The following HHEX variants were observed in gnomAD, a reference collection of about 807,000 sequenced individuals.
HHEX encodes the protein hematopoietically expressed homeobox.
In HHEX, 8 loss-of-function variants were observed where a neutral mutation model predicts 27.0. The ratio of observed to expected loss-of-function variants is 0.30; its 90% confidence interval spans 0.17 to 0.54. The LOEUF (loss-of-function observed/expected upper bound fraction) is 0.54. Among genes scored for constraint, HHEX ranks in the 20% least tolerant of loss-of-function variants. HHEX has a pLI of 0.95. For missense variants in HHEX, 326 were observed against 357.2 expected (o/e 0.91, Z 0.70); for synonymous variants, 164 against 161.5 (o/e 1.02, Z -0.12).
rs779009264 is a variant in HHEX, at chr10:92,690,187, C to T, written c.201C>T (p.Thr67=). The T allele has an allele frequency of 1.1e-5, 17 of 1,569,582 alleles. No homozygotes were observed. In the Admixed American group the frequency reaches 2.1e-4, roughly 19 times the overall value. The change falls in exon 1 of 4, where the codon ACC becomes ACT. Residue 67 remains threonine, a synonymous_variant. Transcript: ENST00000282728. ...CCAGCCTCGTGTCCCCCTACCGGAC[C>T]CCGGTGTACGAGCCCACGCCGATCC... ...SFTSLVSPYR[T]PVYEPTPIHP... is the part of the protein sequence containing the mutation.
Position 92,692,683 on chromosome 10 carries a change from C to G in HHEX, c.541-19C>G. 6.2e-7 allele frequency: 1 copy of G among 1,613,348 alleles called. No individual in the cohort carries two copies. The highest frequency in any genetic ancestry group is 8.5e-7 in the Non-Finnish European group (1 of 1,179,834). On this transcript the variant is annotated intron_variant, in intron 2 of 3. Transcript: ENST00000282728. ...CCGACGCGGGCTCGTTGCAAGTTTT[C>G]TTTCTCTCTTTCCTGTAGGTCAAAA...
At chr10:92,692,775 A>G (rs1564729286) in intron 3 of HHEX, 23 bp downstream of exon 3, 1 of 1,591,270 alleles carries the variant, frequency 6.3e-7, no homozygotes. Flanking sequence ...TTCTGTTTCT[A>G]TGGAAATAAA....
rs913757048 is a variant in HHEX, at chr10:92,695,018, C to G, written c.*250C>G. The G allele has an allele frequency of 2.8e-6, 1 of 354,770 alleles. No individual in the cohort carries two copies. 22.0% of individuals were successfully genotyped at this position (354,770 alleles called of 1,614,324 possible). ...AAAGTGACATTATAGTGATTAAATT[C>G]TTCCCCCTTTAAAAAAACAGTTAGT... On this transcript the variant is annotated 3_prime_UTR_variant, in exon 4 of 4. Transcript: ENST00000282728.
Position 92,690,354 on chromosome 10 carries a change from C to A in HHEX, c.361+7C>A. ...CTCCGCCACGACCCCCTGGGTAAGG[C>A]GGCCGGGCGAGGGTGGGGGCGAGGA... On this transcript the variant is annotated splice_region_variant and intron_variant, in intron 1 of 3. Coordinates refer to ENST00000282728, the MANE Select transcript of HHEX (RefSeq NM_002729.5). 1 of 1,446,808 alleles carries A rather than the reference C, an allele frequency of 6.9e-7. No individual in the cohort carries two copies. The highest frequency in any genetic ancestry group is 9.1e-7 in the Non-Finnish European group (1 of 1,097,012). 89.6% of individuals were successfully genotyped at this position (1,446,808 alleles called of 1,614,324 possible). A position where few individuals can be genotyped will look rare whatever the true frequency, so the allele number is the denominator to read the frequency against.
Position 92,694,891 on chromosome 10 carries a change from A to G in HHEX, c.*123A>G. ...GGAATCAATTCTCTGGTATTCTGGA[A>G]ACCTAAAAATATTTGGTGCACTGCT... On this transcript the variant is annotated 3_prime_UTR_variant, in exon 4 of 4. Transcript: ENST00000282728. The G allele has an allele frequency of 1.4e-6, 1 of 733,728 alleles. No individual in the cohort carries two copies. Among genetic ancestry groups the G allele is most frequent in the East Asian group, 2.7e-5 (1 of 37,298 alleles). 45.5% of individuals were successfully genotyped at this position (733,728 alleles called of 1,614,324 possible). A position where few individuals can be genotyped will look rare whatever the true frequency, so the allele number is the denominator to read the frequency against.
chr10:92,694,097 ATTCTT>A (rs1234715526), intron 3 of HHEX, among the ~76,000 whole-genome samples: 1 of 152,214 alleles, frequency 6.6e-6, no homozygotes, highest in Non-Finnish European at 1.5e-5. Flanking sequence ...TTGAAACTTT[ATTCTT>A]AATTCACCAG....
Position 92,694,933 on chromosome 10 carries a change from A to G in HHEX, c.*165A>G, listed in dbSNP as rs181066526. The G allele has an allele frequency of 9.9e-6, 6 of 606,090 alleles. No individual in the cohort carries two copies. The highest frequency in any genetic ancestry group is 1.2e-5 in the Non-Finnish European group (4 of 343,890). The allele number at this position is 606,090 out of a possible 1,614,324, so 37.5% of individuals were successfully genotyped here. Reference sequence around the variant, plus strand: ...TGCACTGCTCAATTAACAAACCTACATGGAGACCTTAATTTTGACTTAACA... The same window carrying G: ...TGCACTGCTCAATTAACAAACCTACGTGGAGACCTTAATTTTGACTTAACA... On this transcript the variant is annotated 3_prime_UTR_variant, in exon 4 of 4. Coordinates refer to ENST00000282728, the MANE Select transcript of HHEX (RefSeq NM_002729.5).
Position 92,692,440 on chromosome 10 carries a change from C to G in HHEX, c.434C>G (p.Ser145Cys), listed in dbSNP as rs1271715312. 2 of 1,614,130 alleles carry G rather than the reference C, an allele frequency of 1.2e-6. No individual in the cohort carries two copies. Among genetic ancestry groups the G allele is most frequent in the Non-Finnish European group, 1.7e-6 (2 of 1,180,024 alleles). Reference sequence around the variant, plus strand: ...AGGAAAGGCGGCCAGGTGAGATTCTCCAACGACCAGACCATCGAGCTGGAG... The same window carrying G: ...AGGAAAGGCGGCCAGGTGAGATTCTGCAACGACCAGACCATCGAGCTGGAG... ...HKRKGGQVRF[S>C]NDQTIELEKK... Residue 145 changes from serine to cysteine, a missense_variant, in exon 2 of 4, where the codon TCC becomes TGC. Physicochemically the swap from Ser to Cys is moderately radical, Grantham distance 112 (BLOSUM62 -1). This residue lies in a region of HHEX where 40 missense variants were observed against 54.9 expected (regional missense o/e 0.73). Coordinates refer to ENST00000282728, the MANE Select transcript of HHEX (RefSeq NM_002729.5).
intron 1 of HHEX, chr10:92,691,776 A>T (rs1845357438): frequency 6.6e-6 from 1 of 152,372 alleles, no homozygotes; most frequent in Admixed American, 6.5e-5. Context: ...ATGTTGCCAT[A>T]GCCCATGGGG....
chr10:92,694,394 G>GT (rs1259629955), intron 3 of HHEX, among the ~76,000 whole-genome samples, 153 bp from the exon 4 acceptor site: 1 of 152,174 alleles, frequency 6.6e-6, no homozygotes, highest in Non-Finnish European at 1.5e-5. Context: ...AAAAGCACAA[G>GT]TATGTATCTC....
intron 3 of HHEX, among the ~76,000 whole-genome samples, chr10:92,693,992 C>T (rs1356529030): frequency 1.3e-5 from 2 of 151,982 alleles, no homozygotes; most frequent in Admixed American, 6.5e-5. Flanking sequence ...CATTTTTTTT[C>T]TTTGCCATGA....
chr10:92,690,491 C>A, intron 1 of HHEX, 144 bp downstream of exon 1: 1 of 1,047,972 alleles, frequency 9.5e-7, no homozygotes, highest in Non-Finnish European at 1.3e-6. Context: ...CGCGCGGGGA[C>A]GGGAGGCGCG....
chr10:92,691,441 C>G (rs1198226812), intron 1 of HHEX: 2 of 152,256 alleles, frequency 1.3e-5, no homozygotes, highest in African/African-American at 4.8e-5. Context: ...TTTAATGTCT[C>G]CATTATTACG....
chr10:92,693,241 C>T (rs1005901236), intron 3 of HHEX, among the ~76,000 whole-genome samples: 3 of 152,172 alleles, frequency 2.0e-5, no homozygotes, highest in Non-Finnish European at 4.4e-5. Context: ...TATTTTCTAT[C>T]TAATGCCAGC....
chr10:92,690,423 G>A, intron 1 of HHEX, 76 bp downstream of exon 1: 1 of 1,379,160 alleles, frequency 7.3e-7, no homozygotes, highest in Non-Finnish European at 9.4e-7. Context: ...CCGAGGGGGC[G>A]AAGGGGGCAG....
chr10:92,690,025 G>A lies in HHEX; in HGVS notation c.39G>A (p.Val13=). Residue 13 remains valine, a synonymous_variant, in exon 1 of 4, where the codon GTG becomes GTA. Transcript: ENST00000282728. The stretch of plus-strand genomic sequence containing the variant: ...ACCCCGGGCCGGCGGCGGGCGCCGT[G>A]GGGGTGCCGCTGTACGCGCCCACGC... The part of the protein sequence containing the change: ...YPHPGPAAGA[V]GVPLYAPTPL... 1 of 1,501,886 alleles carries A rather than the reference G, an allele frequency of 6.7e-7. No individual in the cohort carries two copies. Among genetic ancestry groups the A allele is most frequent in the Non-Finnish European group, 8.9e-7 (1 of 1,129,856 alleles). The allele number at this position is 1,501,886 out of a possible 1,614,324, so 93.0% of individuals were successfully genotyped here.
chr10:92,690,244 G>T lies in HHEX; in HGVS notation c.258G>T (p.Ala86=), dbSNP rs761758165. 28 of 1,563,622 alleles carry T rather than the reference G, an allele frequency of 1.8e-5. No homozygotes were observed. The highest frequency in any genetic ancestry group is 2.3e-5 in the Non-Finnish European group (27 of 1,154,958). ...CCTTCTCGCACCACTCCGCCGCCGC[G>T]CTGGCCGCTGCCTACGGACCCGGCG... is the stretch of plus-strand genomic sequence containing the variant. ...HPAFSHHSAA[A]LAAAYGPGGF... Residue 86 remains alanine (A), a synonymous_variant, in exon 1 of 4, where the codon GCG becomes GCT. Transcript: ENST00000282728.
intron 1 of HHEX, chr10:92,691,673 T>G (rs1319889630): frequency 6.6e-6 from 1 of 152,230 alleles, no homozygotes; most frequent in Non-Finnish European, 1.5e-5. Context: ...GTTTTCACAG[T>G]GCGCCCTGAG....
At chr10:92,690,973 C>T (rs1008917885) in intron 1 of HHEX, among the ~76,000 whole-genome samples, 1 of 152,206 alleles carries the variant, frequency 6.6e-6, no homozygotes, top group Non-Finnish European at 1.5e-5. Context: ...TGATATTGTT[C>T]ATTTCCTCTG....
Sources: gnomAD v4.1 joint callset for allele counts (sites outside exome capture counted in the v4.1 genomes callset) on GRCh38, gnomAD v4.1.1 for gene constraint, gnomAD v4.1.1 regional missense constraint, MANE v1.5 for transcripts, NCBI Gene and HGNC (gene_info 2026-07-23, HGNC 2026-07-21) for gene names.